TLE1: variants seen among roughly 807,000 people sequenced by gnomAD.
TLE1 encodes the protein transducin-like enhancer protein 1.
A neutral mutation model predicts 89.8 loss-of-function variants in TLE1; 21 were observed. That is an observed-to-expected ratio of 0.23 (90% CI 0.17 to 0.34). TLE1 has a LOEUF of 0.34. TLE1 is among the 10% of genes least tolerant of loss of function. TLE1 has a pLI of 1.00. For missense variants in TLE1, 795 were observed against 1,031.2 expected (o/e 0.77, Z 3.14); for synonymous variants, 447 against 407.6 (o/e 1.10, Z -1.16).
At chr9:81,606,744 G>A (rs1358432925) in intron 14 of TLE1, among the ~76,000 whole-genome samples, 2 of 151,036 alleles carry the variant, frequency 1.3e-5, no homozygotes, top group Non-Finnish European at 2.9e-5. Context: ...CCTGAACATT[G>A]TACACATGTA....
chr9:81,669,688 C>A (rs946470549), intron 4 of TLE1, among the ~76,000 whole-genome samples: 1 of 151,996 alleles, frequency 6.6e-6, no homozygotes, highest in South Asian at 2.1e-4. Context: ...CTAAATAAAT[C>A]TTTTTTTCCC....
intron 14 of TLE1, among the ~76,000 whole-genome samples, chr9:81,596,041 C>T (rs528183283): frequency 2.6e-5 from 4 of 152,042 alleles, no homozygotes; most frequent in Non-Finnish European, 5.9e-5. Flanking sequence ...TCAGATTTTT[C>T]AGAGAAAGGA....
At position 81,641,612 on chromosome 9, in the gene TLE1, G is replaced by A. The variant is rs111734682; in HGVS notation, c.373-7311C>T. 2.2e-3 allele frequency among the ~76,000 whole-genome samples: 338 copies of A among 152,204 alleles called. 3 individuals carry two copies. The highest frequency in any genetic ancestry group is 7.9e-3 in the African/African-American group (328 of 41,522). ...AATAAGTATCCTAATTTAAAAATGG[G>A]CAAAGGACCTCCTGAACAGACATTT... On this transcript the variant is annotated intron_variant, in intron 6 of 19. Coordinates refer to ENST00000376499, the MANE Select transcript of TLE1 (RefSeq NM_005077.5).
chr9:81,649,616 C>T (rs1210078748), intron 6 of TLE1, among the ~76,000 whole-genome samples: 1 of 152,160 alleles, frequency 6.6e-6, no homozygotes, highest in East Asian at 1.9e-4. Context: ...AAAGTGGATG[C>T]AGACTAAGAG....
intron 14 of TLE1, among the ~76,000 whole-genome samples, chr9:81,595,760 G>A (rs1366916589): frequency 6.7e-6 from 1 of 150,122 alleles, no homozygotes; most frequent in Non-Finnish European, 1.5e-5. Context: ...CGGAGCTTGT[G>A]GTGAGCCGAG....
intron 14 of TLE1, 51 bp from the exon 15 acceptor site, chr9:81,593,325 G>C (rs567735505): frequency 8.4e-6 from 13 of 1,550,162 alleles, no homozygotes; most frequent in Non-Finnish European, 1.1e-5. Flanking sequence ...TACAGAGGAA[G>C]CAATCCCTAT....
At chr9:81,611,682 CAG>C (rs1823726562) in intron 13 of TLE1, 85 bp downstream of exon 13, 1 of 1,296,092 alleles carries the variant, frequency 7.7e-7, no homozygotes, top group African/African-American at 1.6e-5. Flanking sequence ...CCACGCAGCG[CAG>C]AGAGGCCTGG....
At chr9:81,639,376 T>G (rs1023844870) in intron 6 of TLE1, among the ~76,000 whole-genome samples, 1 of 152,086 alleles carries the variant, frequency 6.6e-6, no homozygotes, top group Non-Finnish European at 1.5e-5. Context: ...GCATCTGTAC[T>G]CTCTAACCAA....
At chr9:81,677,236 TC>T (rs35970494) in intron 4 of TLE1, among the ~76,000 whole-genome samples, 18 of 140,936 alleles carry the variant, frequency 1.3e-4, no homozygotes, top group South Asian at 2.3e-4. Context: ...AGACTCGTCT[TC>T]CCCCCCCCAA....
intron 4 of TLE1, among the ~76,000 whole-genome samples, chr9:81,671,918 A>AGCT (rs1404421363): frequency 1.3e-5 from 2 of 152,160 alleles, no homozygotes; most frequent in African/African-American, 4.8e-5. Flanking sequence ...CTGTGCAGAG[A>AGCT]CATTGGCTCT....
rs968793259 is a variant in TLE1, at chr9:81,611,927, C to G, written c.1096G>C (p.Gly366Arg). 6.7e-7 allele frequency: 1 copy of G among 1,492,986 alleles called. No homozygotes were observed. Among genetic ancestry groups the G allele is most frequent in the Non-Finnish European group, 8.9e-7 (1 of 1,123,748 alleles). The allele number at this position is 1,492,986 out of a possible 1,614,324, so 92.5% of individuals were successfully genotyped here. A position where few individuals can be genotyped will look rare whatever the true frequency, so the allele number is the denominator to read the frequency against. ...AGLRTPLAVP[G>R]PYPAPFGMVP... ...ATCCCAAAAGGAGCAGGATATGGGC[C>G]GGGCACTGCCAGGGGTGTCCTCAAG... Residue 366 changes from glycine (G) to arginine (R), a missense_variant, in exon 13 of 20, where the codon GGC becomes CGC. Coordinates refer to ENST00000376499, the MANE Select transcript of TLE1 (RefSeq NM_005077.5).
At chr9:81,609,052 G>T (rs151120874) in intron 14 of TLE1, among the ~76,000 whole-genome samples, 1 of 151,830 alleles carries the variant, frequency 6.6e-6, no homozygotes, top group Non-Finnish European at 1.5e-5. Flanking sequence ...GCAAAGACCT[G>T]CCCCCTCCCC....
rs1208290472 is a variant in TLE1 at position 81,583,796 on chromosome 9, A to G, written c.*402T>C. 5.9e-6 allele frequency: 1 copy of G among 168,566 alleles called. No homozygotes were observed. Among genetic ancestry groups the G allele is most frequent in the East Asian group, 1.6e-4 (1 of 6,128 alleles). The allele number at this position is 168,566 out of a possible 1,614,324, so 10.4% of individuals were successfully genotyped here. The stretch of plus-strand genomic sequence containing the variant: ...ATTTCACAAGATGCAAAACCAGGAA[A>G]CAAGTTCATTGGAGACACCACTGCT... On this transcript the variant is annotated 3_prime_UTR_variant, in exon 20 of 20. Transcript: ENST00000376499.
chr9:81,677,905 T>C (rs1833110570), intron 4 of TLE1, among the ~76,000 whole-genome samples: 1 of 152,232 alleles, frequency 6.6e-6, no homozygotes. Flanking sequence ...GGTGTATATC[T>C]AGCATACTTA....
At chr9:81,681,166 T>A (rs184573322) in intron 4 of TLE1, among the ~76,000 whole-genome samples, 73 of 152,276 alleles carry the variant, frequency 4.8e-4, no homozygotes, top group Admixed American at 1.0e-3. Context: ...AAATATCACA[T>A]GGAGCTCTTT....
chr9:81,625,961 A>G (rs910232133), intron 8 of TLE1, among the ~76,000 whole-genome samples: 1 of 147,056 alleles, frequency 6.8e-6, no homozygotes, highest in Non-Finnish European at 1.5e-5. Context: ...CTGCCCTGTC[A>G]ATGCTATCAA....
chr9:81,682,752 G>A (rs1353500966), intron 4 of TLE1, among the ~76,000 whole-genome samples: 1 of 152,032 alleles, frequency 6.6e-6, no homozygotes, highest in Non-Finnish European at 1.5e-5. Context: ...TTTTCCATGA[G>A]ACATTGTCTA....
intron 7 of TLE1, chr9:81,633,580 A>G: frequency 1.6e-6 from 1 of 626,944 alleles, no homozygotes; most frequent in Non-Finnish European, 2.6e-6. Flanking sequence ...AACCATACAC[A>G]AAGCCTATTT....
At chr9:81,671,124 C>G (rs60495961) in intron 4 of TLE1, among the ~76,000 whole-genome samples, 1 of 151,940 alleles carries the variant, frequency 6.6e-6, no homozygotes, top group Non-Finnish European at 1.5e-5. Context: ...ACTGAGATCA[C>G]GCCACTGCAC....
Sources: gnomAD v4.1 joint callset for allele counts (sites outside exome capture counted in the v4.1 genomes callset) on GRCh38, gnomAD v4.1.1 for gene constraint, MANE v1.5 for transcripts, NCBI Gene and HGNC (gene_info 2026-07-23, HGNC 2026-07-21) for gene names.